Variants in DMD observed in about 807,000 individuals in gnomAD.
DMD encodes the protein dystrophin.
A neutral mutation model predicts 330.1 loss-of-function variants in DMD; 63 were observed. The observed-to-expected ratio is 0.19, with a 90% CI of 0.16 to 0.24. The LOEUF (loss-of-function observed/expected upper bound fraction) is 0.24, where lower values mean the gene tolerates loss of function less well. Ranked by LOEUF, DMD falls within the 10% of genes least tolerant of loss-of-function variation. The pLI is 1.00. For synonymous variants in DMD, 1,223 were observed against 959.8 expected (o/e 1.27, Z -5.07); for missense variants, 3,344 against 2,684.1 (o/e 1.25, Z -5.43).
intron 53 of DMD, among the ~76,000 whole-genome samples, chrX:31,677,363 C>T (rs1172709911): frequency 9.0e-6 from 1 of 111,614 alleles, no homozygotes; most frequent in Admixed American, 9.6e-5. Flanking sequence ...TCACTGTATG[C>T]CTCTCATCTC....
chrX:31,764,522 G>A (rs2089859855), intron 51 of DMD, among the ~76,000 whole-genome samples: 1 of 111,281 alleles, frequency 9.0e-6, no homozygotes, highest in Non-Finnish European at 1.9e-5. Context: ...AAAAAATATG[G>A]GATTAAGAGT....
intron 57 of DMD, among the ~76,000 whole-genome samples, chrX:31,495,679 G>T (rs989203106): frequency 2.7e-5 from 3 of 111,983 alleles, no homozygotes; most frequent in Non-Finnish European, 5.6e-5. Context: ...TAGGAGACAA[G>T]TGCAAAACAT....
At chrX:31,177,352 A>C (rs978618496) in intron 71 of DMD, among the ~76,000 whole-genome samples, 2 of 111,508 alleles carry the variant, frequency 1.8e-5, no homozygotes, top group East Asian at 5.6e-4. Flanking sequence ...AAGTGAGTTT[A>C]GTTCAAAATT....
At chrX:33,080,679 C>T (rs1311260952) in intron 1 of DMD, among the ~76,000 whole-genome samples, 1 of 111,062 alleles carries the variant, frequency 9.0e-6, no homozygotes, top group Non-Finnish European at 1.9e-5. Context: ...GTCCCCAGGC[C>T]TCATCTATAA....
At chrX:31,147,052 A>T (rs1003088580) in intron 75 of DMD, among the ~76,000 whole-genome samples, 1 of 112,036 alleles carries the variant, frequency 8.9e-6, no homozygotes, top group Admixed American at 9.4e-5. Flanking sequence ...AAATTGGTCA[A>T]GAAAAAACCA....
intron 1 of DMD, among the ~76,000 whole-genome samples, chrX:33,316,815 T>A (rs774281931): frequency 4.5e-5 from 5 of 111,018 alleles, no homozygotes; most frequent in African/African-American, 1.6e-4. Context: ...TTGGGAAGAA[T>A]TGACATCTTT....
chrX:32,028,543 G>A (rs1417520975), intron 44 of DMD, among the ~76,000 whole-genome samples: 5 of 111,670 alleles, frequency 4.5e-5, no homozygotes, highest in Non-Finnish European at 9.4e-5. Context: ...ATTCAACAAG[G>A]AGATTCTGGT....
intron 30 of DMD, among the ~76,000 whole-genome samples, chrX:32,409,980 A>G (rs1478533182): frequency 9.0e-6 from 1 of 111,671 alleles, no homozygotes; most frequent in South Asian, 3.7e-4. Context: ...GTATCCATAA[A>G]TATGTATAAA....
chrX:31,909,055 A>AAATT (rs1013803035), intron 47 of DMD, among the ~76,000 whole-genome samples: 7 of 112,691 alleles, frequency 6.2e-5, no homozygotes, highest in African/African-American at 1.9e-4. Flanking sequence ...TGTAATGTCA[A>AAATT]AATTACCATT....
chrX:32,530,652 A>AG (rs1261692751), intron 17 of DMD, among the ~76,000 whole-genome samples: 3 of 112,139 alleles, frequency 2.7e-5, no homozygotes, highest in African/African-American at 6.5e-5. Flanking sequence ...TTAGTTATAA[A>AG]GCCAAGGAGT....
chrX:31,160,742 G>A (rs1487269590), intron 74 of DMD, among the ~76,000 whole-genome samples: 1 of 111,396 alleles, frequency 9.0e-6, no homozygotes, highest in Non-Finnish European at 1.9e-5. Flanking sequence ...TATCTCAGTG[G>A]TATTCTGCAG....
At chrX:31,653,858 A>G (rs1258324616) in intron 54 of DMD, among the ~76,000 whole-genome samples, 1 of 111,752 alleles carries the variant, frequency 8.9e-6, no homozygotes, top group African/African-American at 3.2e-5. Flanking sequence ...GGAAAACAAC[A>G]TATTTTCCTA....
chrX:33,300,004 A>G (rs2053639044), intron 1 of DMD, among the ~76,000 whole-genome samples: 1 of 111,935 alleles, frequency 8.9e-6, no homozygotes, highest in Non-Finnish European at 1.9e-5. Flanking sequence ...ATGAATACTA[A>G]TCAAAAGAGA....
intron 50 of DMD, among the ~76,000 whole-genome samples, chrX:31,784,925 A>G (rs1210384277): frequency 1.8e-5 from 2 of 112,184 alleles, no homozygotes; most frequent in Non-Finnish European, 3.8e-5. Flanking sequence ...GTGTAAATCA[A>G]TGAGCATCTG....
At chrX:32,448,325 A>C in intron 27 of DMD, 131 bp downstream of exon 27, 1 of 694,665 alleles carries the variant, frequency 1.4e-6, no homozygotes, top group Non-Finnish European at 2.2e-6. Context: ...AAGTCATACA[A>C]CTTATAAGTG....
At chrX:31,289,577 A>G (rs1473403482) in intron 62 of DMD, among the ~76,000 whole-genome samples, 3 of 111,030 alleles carry the variant, frequency 2.7e-5, no homozygotes, top group Non-Finnish European at 5.7e-5. Context: ...GGCATCTTAC[A>G]TAGAGTAAGC....
intron 62 of DMD, among the ~76,000 whole-genome samples, chrX:31,278,519 T>C (rs1300696619): frequency 9.0e-6 from 1 of 111,461 alleles, no homozygotes. Context: ...TGGGTGGCTG[T>C]TTGGGAGTAT....
chrX:32,525,764 A>G lies in DMD; in HGVS notation c.2169-7633T>C, dbSNP rs377418681. Among the ~76,000 whole-genome samples, 58 of 111,773 alleles carry G rather than the reference A, an allele frequency of 5.2e-4. 2 individuals carry two copies. In the South Asian group the frequency reaches 0.021, roughly 41 times the overall value. On this transcript the variant is annotated intron_variant, in intron 17 of 78. Transcript: ENST00000357033. ...CTATCTACTCTTCCCAGTGCTTTGC[A>G]GATGGCATTTTCTATCATACTTTGC...
intron 1 of DMD, among the ~76,000 whole-genome samples, chrX:33,326,030 G>A (rs759557866): frequency 7.5e-4 from 83 of 111,134 alleles, no homozygotes; most frequent in African/African-American, 2.6e-3. Context: ...GTGTGAAATA[G>A]ACAAAAATGG....
Sources: gnomAD v4.1 joint callset for allele counts (sites outside exome capture counted in the v4.1 genomes callset) on GRCh38, gnomAD v4.1.1 for gene constraint, MANE v1.5 for transcripts, NCBI Gene and HGNC (gene_info 2026-07-23, HGNC 2026-07-21) for gene names.